The following ABTB3 variants were observed in gnomAD, a reference collection of about 807,000 sequenced individuals.
The protein encoded by ABTB3 is ankyrin repeat- and BTB/POZ domain-containing protein 3.
At chr12:107,652,446 C>G in the ABTB3 span, among the ~76,000 whole-genome samples, 3 of 152,182 alleles carry the variant, frequency 2.0e-5, no homozygotes, top group African/African-American at 7.2e-5. Context: ...GGAGTAGAAC[C>G]TGGAAAAAGG....
At chr12:107,645,517 ATCC>A in the ABTB3 span, among the ~76,000 whole-genome samples, 1 of 149,490 alleles carries the variant, frequency 6.7e-6, no homozygotes, top group Non-Finnish European at 1.5e-5. Context: ...GTTCTCTTAA[ATCC>A]TCCCTTCTGT....
chr12:107,481,156 A>T, the ABTB3 span, among the ~76,000 whole-genome samples: 1 of 152,184 alleles, frequency 6.6e-6, no homozygotes, highest in Non-Finnish European at 1.5e-5. Context: ...AATAGTACCA[A>T]GGTGGAGAAA....
chr12:107,497,959 T>C, the ABTB3 span, among the ~76,000 whole-genome samples: 1 of 152,250 alleles, frequency 6.6e-6, no homozygotes, highest in Admixed American at 6.5e-5. Flanking sequence ...AGGAGGGCAT[T>C]GAGTCTGAGG....
the ABTB3 span, among the ~76,000 whole-genome samples, chr12:107,369,707 G>GGT: frequency 1.4e-4 from 11 of 76,154 alleles, no homozygotes; most frequent in Non-Finnish European, 1.6e-4. Flanking sequence ...CCCAAACATG[G>GGT]TTTTTTTTTT....
At chr12:107,498,619 G>A in the ABTB3 span, among the ~76,000 whole-genome samples, 2 of 151,994 alleles carry the variant, frequency 1.3e-5, no homozygotes, top group Admixed American at 6.6e-5. Context: ...AGCCCACAAC[G>A]GTCAATTAGG....
chr12:107,625,562 T>C, the ABTB3 span, among the ~76,000 whole-genome samples: 1 of 152,068 alleles, frequency 6.6e-6, no homozygotes, highest in African/African-American at 2.4e-5. Context: ...GTCTAGTTAT[T>C]GGGGGTAGGT....
the ABTB3 span, among the ~76,000 whole-genome samples, chr12:107,550,642 G>A: frequency 0.013 from 1,936 of 147,860 alleles, 42 homozygotes; most frequent in African/African-American, 0.044. Flanking sequence ...GTGCAGTGGC[G>A]TGATTTCGGC....
the ABTB3 span, among the ~76,000 whole-genome samples, chr12:107,603,155 G>C: frequency 6.6e-6 from 1 of 152,230 alleles, no homozygotes; most frequent in Non-Finnish European, 1.5e-5. Context: ...GGACATGTTG[G>C]TTTACAGTGG....
At chr12:107,607,909 T>C in the ABTB3 span, among the ~76,000 whole-genome samples, 2 of 151,936 alleles carry the variant, frequency 1.3e-5, no homozygotes, top group Admixed American at 1.3e-4. Flanking sequence ...TACTGAGGAG[T>C]CTCAGCGCCA....
the ABTB3 span, among the ~76,000 whole-genome samples, chr12:107,350,435 C>T: frequency 6.6e-6 from 1 of 151,890 alleles, no homozygotes; most frequent in Non-Finnish European, 1.5e-5. Context: ...CGCCGGTAGT[C>T]CCAGCTACTG....
chr12:107,457,766 T>G, the ABTB3 span, among the ~76,000 whole-genome samples: 1 of 152,232 alleles, frequency 6.6e-6, no homozygotes, highest in African/African-American at 2.4e-5. Context: ...TTCTTCCATC[T>G]GTACCTTCCC....
At chr12:107,474,377 G>A in the ABTB3 span, among the ~76,000 whole-genome samples, 10 of 152,198 alleles carry the variant, frequency 6.6e-5, no homozygotes, top group East Asian at 1.5e-3. Flanking sequence ...CCCCTGGGAC[G>A]GAGCAGCATA....
At chr12:107,469,923 TC>T in the ABTB3 span, among the ~76,000 whole-genome samples, 290 of 96,242 alleles carry the variant, frequency 3.0e-3, 3 homozygotes, top group African/African-American at 8.1e-3. Flanking sequence ...TCTTTCTTTC[TC>T]TCTCTCTCTC....
chr12:107,438,709 G>A, the ABTB3 span, among the ~76,000 whole-genome samples: 1 of 152,034 alleles, frequency 6.6e-6, no homozygotes. Context: ...CAGGTTCTTG[G>A]AGCCATTCAA....
At chr12:107,372,343 C>A in the ABTB3 span, among the ~76,000 whole-genome samples, 43 of 152,218 alleles carry the variant, frequency 2.8e-4, no homozygotes, top group African/African-American at 9.4e-4. Context: ...ACATTTAAGC[C>A]CATTTCCTGC....
chr12:107,581,338 AG>A, the ABTB3 span: 1 of 1,274,946 alleles, frequency 7.8e-7, no homozygotes, highest in Non-Finnish European at 1.0e-6. Context: ...GCGGCAGGGG[AG>A]GGAGGGCTCC....
chr12:107,544,188 G>C, the ABTB3 span: 3 of 1,572,740 alleles, frequency 1.9e-6, no homozygotes, highest in Non-Finnish European at 2.6e-6. Flanking sequence ...CTGCCTCCAG[G>C]GTGGGGCAAG....
the ABTB3 span, among the ~76,000 whole-genome samples, chr12:107,419,833 A>G: frequency 1.3e-5 from 2 of 152,212 alleles, no homozygotes; most frequent in African/African-American, 4.8e-5. Context: ...TTTCTTACAC[A>G]CATGCCACAG....
the ABTB3 span, among the ~76,000 whole-genome samples, chr12:107,428,605 CCTT>C: frequency 6.6e-6 from 1 of 152,164 alleles, no homozygotes; most frequent in Admixed American, 6.5e-5. Flanking sequence ...ATAGTGGTAA[CCTT>C]CTCATTAAAG....
Sources: gnomAD v4.1 joint callset for allele counts (sites outside exome capture counted in the v4.1 genomes callset) on GRCh38, gnomAD v4.1.1 for gene constraint, MANE v1.5 for transcripts, NCBI Gene and HGNC (gene_info 2026-07-23, HGNC 2026-07-21) for gene names.